The following DSTYK variants were observed in gnomAD, a reference collection of about 807,000 sequenced individuals.
DSTYK encodes RIP-homologous kinase.
In DSTYK, 34 loss-of-function variants were observed where a neutral mutation model predicts 98.7. That is an observed-to-expected ratio of 0.34 (90% CI 0.26 to 0.46). DSTYK has a LOEUF of 0.46. Among genes scored for constraint, DSTYK ranks in the 20% least tolerant of loss-of-function variants. The pLI, the probability that DSTYK is intolerant of heterozygous loss-of-function variation, is 1.00. For missense variants in DSTYK, 962 were observed against 1,181.7 expected, an observed-to-expected ratio of 0.81 and a Z score of 2.73; for synonymous variants, 462 against 457.3, an observed-to-expected ratio of 1.01 and a Z score of -0.13.
intron 10 of DSTYK, among the ~76,000 whole-genome samples, chr1:205,154,056 CGTGTGTGTGT>C (rs34909035): frequency 7.0e-6 from 1 of 143,456 alleles, no homozygotes; most frequent in Non-Finnish European, 1.5e-5. Flanking sequence ...AGTATGCACA[CGTGTGTGTGT>C]GTGTGTGTGT....
chr1:205,178,899 C>G (rs538329063), intron 2 of DSTYK, among the ~76,000 whole-genome samples: 53 of 152,188 alleles, frequency 3.5e-4, no homozygotes, highest in Middle Eastern at 3.4e-3. Flanking sequence ...CTTTGGGAGG[C>G]TGATGCAGGC....
At chr1:205,162,855 TG>T in intron 5 of DSTYK, 67 bp downstream of exon 5, 1 of 1,177,892 alleles carries the variant, frequency 8.5e-7, no homozygotes, top group Non-Finnish European at 1.3e-6. Flanking sequence ...TGTTTCCTAC[TG>T]GGGTCACTAT....
chr1:205,179,128 CAA>C (rs548813385), intron 2 of DSTYK, among the ~76,000 whole-genome samples: 7 of 122,676 alleles, frequency 5.7e-5, no homozygotes, highest in African/African-American at 3.0e-5. Flanking sequence ...GATACTGTCT[CAA>C]AAAAAAAAAA....
chr1:205,188,256 C>T (rs1303442617), intron 1 of DSTYK, among the ~76,000 whole-genome samples: 1 of 152,144 alleles, frequency 6.6e-6, no homozygotes, highest in African/African-American at 2.4e-5. Context: ...TGACAGAAGA[C>T]CTAATACTTG....
At chr1:205,192,447 T>C (rs1321720497) in intron 1 of DSTYK, among the ~76,000 whole-genome samples, 2 of 152,114 alleles carry the variant, frequency 1.3e-5, no homozygotes, top group Non-Finnish European at 2.9e-5. Flanking sequence ...GTGTGAAGAC[T>C]CCTTGACCCT....
intron 8 of DSTYK, 126 bp from the exon 9 acceptor site, chr1:205,159,805 T>A (rs944118293): frequency 8.2e-6 from 10 of 1,213,734 alleles, no homozygotes; most frequent in Non-Finnish European, 1.0e-5. Flanking sequence ...TGGCCCTCAG[T>A]GCAGACAGAG....
chr1:205,147,915 T>TA lies in DSTYK; in HGVS notation c.2603-171dup, dbSNP rs35284794. Among the ~76,000 whole-genome samples, 69,264 of 144,360 alleles carry TA rather than the reference T, an allele frequency of 0.48. 18,686 individuals are homozygous for TA. The highest frequency in any genetic ancestry group is 0.62 in the Non-Finnish European group (41,112 of 66,494). The allele number at this position is 144,360 out of a possible 152,430, so 94.7% of individuals were successfully genotyped here. A position where few individuals can be genotyped will look rare whatever the true frequency, so the allele number is the denominator to read the frequency against. On this transcript the variant is annotated intron_variant, in intron 12 of 12. Coordinates refer to ENST00000367162, the MANE Select transcript of DSTYK (RefSeq NM_015375.3). ...GTTAGAACCTAACAGTAAGAGCAAT[T>TA]AAAAAAAAAAAGAAAGAAAGAAAAA...
At chr1:205,159,427 A>G in intron 9 of DSTYK, 120 bp downstream of exon 9, 2 of 1,242,706 alleles carry the variant, frequency 1.6e-6, no homozygotes, top group Non-Finnish European at 1.1e-6. Context: ...AGTGAAATAA[A>G]CCCTAATTAC....
chr1:205,189,398 C>G (rs963235263), intron 1 of DSTYK, among the ~76,000 whole-genome samples: 2 of 152,192 alleles, frequency 1.3e-5, no homozygotes, highest in African/African-American at 4.8e-5. Context: ...TGCATTTGTT[C>G]AGAAAAGCAC....
chr1:205,148,519 A>G lies in DSTYK; in HGVS notation c.2468-180T>C, dbSNP rs185615517. The stretch of plus-strand genomic sequence containing the variant: ...TAATGCCCATTTTACAATACAATCA[A>G]CTAAGACATTGGGAGGTCACAGCTC... On this transcript the variant is annotated intron_variant, in intron 11 of 12. Transcript: ENST00000367162. Among the ~76,000 whole-genome samples, 465 of 152,276 alleles carry G rather than the reference A, an allele frequency of 3.1e-3. 4 individuals carry two copies. The highest frequency in any genetic ancestry group is 5.1e-3 in the Non-Finnish European group (350 of 68,012).
At chr1:205,202,409 C>G (rs969223541) in intron 1 of DSTYK, 47 of 743,552 alleles carry the variant, frequency 6.3e-5, no homozygotes, top group Non-Finnish European at 7.5e-5. Context: ...GTGCCCAGGC[C>G]AAGCAGTGGG....
chr1:205,154,257 C>T (rs1657493261), intron 10 of DSTYK, among the ~76,000 whole-genome samples: 1 of 151,982 alleles, frequency 6.6e-6, no homozygotes, highest in African/African-American at 2.4e-5. Context: ...GAAACTCCTC[C>T]CTAAGCTTTA....
At chr1:205,165,775 G>A (rs951491593) in intron 3 of DSTYK, among the ~76,000 whole-genome samples, 4 of 152,088 alleles carry the variant, frequency 2.6e-5, no homozygotes, top group East Asian at 1.9e-4. Flanking sequence ...TTGTATTAGC[G>A]AAAGAGAAAA....
rs1226219707 is a variant in DSTYK, at chr1:205,169,394, C to A, written c.1093G>T (p.Val365Leu). 1.9e-6 allele frequency: 3 copies of A among 1,614,042 alleles called. No homozygotes were observed. The East Asian group carries it at 6.7e-5, about 36-fold the overall frequency. ...AAGATGTCAAGGCAGTGGCAGTGCA[C>A]CAGGTTCAGGGCCTTGGCTGCATCC... Reference protein sequence around the residue: ...LVDAAKALNLVHCHCLDIFIN... With the variant: ...LVDAAKALNLLHCHCLDIFIN... The change falls in exon 3 of 13, where the codon GTG becomes TTG. Residue 365 changes from valine to leucine, a missense_variant. Coordinates refer to ENST00000367162, the MANE Select transcript of DSTYK (RefSeq NM_015375.3). This position sits in a 1 kb window ranked among gnomAD's most constrained non-coding sequence, Gnocchi z 4.0.
intron 6 of DSTYK, 83 bp from the exon 7 acceptor site, chr1:205,161,470 TACTTC>T: frequency 1.5e-6 from 2 of 1,339,638 alleles, no homozygotes; most frequent in Non-Finnish European, 2.1e-6. Flanking sequence ...TAATAATATC[TACTTC>T]ATATAGATAA....
intron 2 of DSTYK, among the ~76,000 whole-genome samples, chr1:205,177,610 T>C (rs1658269881): frequency 6.6e-6 from 1 of 152,320 alleles, no homozygotes; most frequent in Non-Finnish European, 1.5e-5. Flanking sequence ...CTCATGCCTG[T>C]AATCCCAGCA....
chr1:205,167,137 T>C (rs1486928272), intron 3 of DSTYK, among the ~76,000 whole-genome samples: 1 of 152,238 alleles, frequency 6.6e-6, no homozygotes, highest in Non-Finnish European at 1.5e-5. Context: ...GGCTCATGCC[T>C]ATAATCCCAG....
intron 1 of DSTYK, among the ~76,000 whole-genome samples, chr1:205,209,299 G>C (rs1196314217): frequency 2.6e-5 from 4 of 152,152 alleles, no homozygotes; most frequent in Non-Finnish European, 4.4e-5. Flanking sequence ...AGAAACTTCC[G>C]AGCAGGAGAC....
intron 3 of DSTYK, among the ~76,000 whole-genome samples, chr1:205,164,232 T>C (rs1225728722): frequency 6.6e-6 from 1 of 151,998 alleles, no homozygotes; most frequent in Admixed American, 6.6e-5. Context: ...GCAGGAGGAT[T>C]GCTTGAGCCC....
Sources: allele counts gnomAD v4.1 joint callset (sites outside exome capture counted in the v4.1 genomes callset), GRCh38; gene constraint gnomAD v4.1.1; non-coding constraint Gnocchi (gnomAD v3.1); transcripts MANE v1.5; gene names NCBI Gene and HGNC (gene_info 2026-07-23, HGNC 2026-07-21).